CCSER1: variants seen among roughly 807,000 people sequenced by gnomAD.
CCSER1 encodes serine-rich coiled-coil domain-containing protein 1.
CCSER1 carries 41 observed loss-of-function variants against 82.0 expected under a neutral mutation model. The observed-to-expected ratio is 0.50, with a 90% CI of 0.39 to 0.65. The LOEUF (loss-of-function observed/expected upper bound fraction) is 0.65. Ranked by LOEUF, CCSER1 falls within the 30% of genes least tolerant of loss-of-function variation. The pLI is 0.00. For missense variants in CCSER1, 1,119 were observed against 1,064.2 expected (o/e 1.05, Z -0.72); for synonymous variants, 414 against 383.9 (o/e 1.08, Z -0.92).
intron 7 of CCSER1, among the ~76,000 whole-genome samples, chr4:90,815,302 C>T (rs559096203): frequency 7.2e-5 from 11 of 152,210 alleles, no homozygotes; most frequent in South Asian, 2.1e-4. Flanking sequence ...TCCCTCCACA[C>T]GTGGGGATTA....
intron 7 of CCSER1, among the ~76,000 whole-genome samples, chr4:90,789,295 T>G (rs576489581): frequency 6.6e-6 from 1 of 152,312 alleles, no homozygotes; most frequent in African/African-American, 2.4e-5. Context: ...TCACTCTCCT[T>G]CTTAAATTTG....
chr4:90,773,067 C>T (rs1752434895), intron 7 of CCSER1, among the ~76,000 whole-genome samples: 2 of 151,932 alleles, frequency 1.3e-5, no homozygotes, highest in Non-Finnish European at 2.9e-5. Context: ...GTGGAGAAAC[C>T]CCATGTCTAC....
At chr4:90,242,307 A>G (rs1560862890) in intron 1 of CCSER1, among the ~76,000 whole-genome samples, 1 of 152,154 alleles carries the variant, frequency 6.6e-6, no homozygotes, top group African/African-American at 2.4e-5. Context: ...ACTCCGTCTC[A>G]AAAAGAAAAG....
At chr4:90,767,749 G>A (rs1398359669) in intron 7 of CCSER1, among the ~76,000 whole-genome samples, 4 of 151,846 alleles carry the variant, frequency 2.6e-5, no homozygotes, top group Non-Finnish European at 5.9e-5. Flanking sequence ...ATCTCAGTTT[G>A]CTCCATCTCC....
At chr4:90,253,656 T>C (rs79614385) in intron 1 of CCSER1, among the ~76,000 whole-genome samples, 1,898 of 152,268 alleles carry the variant, frequency 0.012, 26 homozygotes, top group African/African-American at 0.036. Context: ...TTTATCTGTT[T>C]AGTGACTTTG....
At chr4:90,740,036 C>G (rs945175898) in intron 7 of CCSER1, among the ~76,000 whole-genome samples, 2 of 152,114 alleles carry the variant, frequency 1.3e-5, no homozygotes, top group African/African-American at 4.8e-5. Context: ...GGCTTCTATT[C>G]AGCCATATTG....
At chr4:90,249,029 G>T (rs1158556307) in intron 1 of CCSER1, among the ~76,000 whole-genome samples, 1 of 152,022 alleles carries the variant, frequency 6.6e-6, no homozygotes, top group African/African-American at 2.4e-5. Context: ...TTTTTGTTGA[G>T]TCATAGACTG....
Position 91,603,217 on chromosome 4 carries a change from C to G in CCSER1, c.*4160C>G, listed in dbSNP as rs1764872666. On this transcript the variant is annotated 3_prime_UTR_variant, in exon 11 of 11. Coordinates refer to ENST00000509176, the MANE Select transcript of CCSER1 (RefSeq NM_001145065.2). Reference sequence around the variant, plus strand: ...CAGTCAACTAAGCAACCAAACAAAACAGCTCTCTTCTTTAATAATATTCAT... The same window carrying G: ...CAGTCAACTAAGCAACCAAACAAAAGAGCTCTCTTCTTTAATAATATTCAT... 6.6e-6 allele frequency: 1 copy of G among 152,084 alleles called. No individual in the cohort carries two copies. Among genetic ancestry groups the G allele is most frequent in the Non-Finnish European group, 1.5e-5 (1 of 67,964 alleles). 9.4% of individuals were successfully genotyped at this position (152,084 alleles called of 1,614,324 possible).
At chr4:91,275,315 T>G (rs1343114998) in intron 10 of CCSER1, among the ~76,000 whole-genome samples, 1 of 151,770 alleles carries the variant, frequency 6.6e-6, no homozygotes, top group Admixed American at 6.6e-5. Flanking sequence ...TTGTTTGTTT[T>G]TGTTTTTTGT....
chr4:91,349,544 G>A (rs968354458), intron 10 of CCSER1, among the ~76,000 whole-genome samples: 1 of 152,034 alleles, frequency 6.6e-6, no homozygotes, highest in African/African-American at 2.4e-5. Flanking sequence ...GTTCTGTTTT[G>A]AAGTCTGGAG....
intron 5 of CCSER1, among the ~76,000 whole-genome samples, chr4:90,583,534 T>G (rs1368940717): frequency 1.3e-5 from 2 of 152,176 alleles, no homozygotes; most frequent in Non-Finnish European, 2.9e-5. Context: ...GAAATACATT[T>G]TTATAGATAT....
intron 7 of CCSER1, among the ~76,000 whole-genome samples, chr4:90,785,384 A>G (rs924939783): frequency 6.6e-6 from 1 of 152,172 alleles, no homozygotes; most frequent in African/African-American, 2.4e-5. Context: ...TTATTATGTT[A>G]TAATCCTGTG....
intron 8 of CCSER1, among the ~76,000 whole-genome samples, chr4:90,895,225 A>G (rs942968669): frequency 4.6e-5 from 7 of 151,944 alleles, no homozygotes; most frequent in Non-Finnish European, 7.4e-5. Flanking sequence ...GGCACATAAC[A>G]TCAGTAAATG....
At chr4:90,650,796 A>C (rs1371795212) in intron 6 of CCSER1, among the ~76,000 whole-genome samples, 1 of 152,182 alleles carries the variant, frequency 6.6e-6, no homozygotes, top group Non-Finnish European at 1.5e-5. Context: ...CTTTCTGTAA[A>C]ATCTTTTCTT....
chr4:90,756,415 T>G (rs1031925713), intron 7 of CCSER1, among the ~76,000 whole-genome samples: 2 of 151,934 alleles, frequency 1.3e-5, no homozygotes, highest in Non-Finnish European at 2.9e-5. Flanking sequence ...CTTTTCAACA[T>G]TTTTAGGAAT....
At chr4:90,312,788 GA>G (rs1735536186) in intron 2 of CCSER1, 74 bp from the exon 3 acceptor site, 1 of 1,152,806 alleles carries the variant, frequency 8.7e-7, no homozygotes, top group Middle Eastern at 2.1e-4. Context: ...AGTTTTTCAT[GA>G]TCTTTCAGTG....
intron 4 of CCSER1, among the ~76,000 whole-genome samples, chr4:90,400,558 G>A (rs1465329777): frequency 6.6e-6 from 1 of 152,064 alleles, no homozygotes; most frequent in Non-Finnish European, 1.5e-5. Flanking sequence ...ATAGGTTAAT[G>A]TTGATGCAAT....
intron 10 of CCSER1, among the ~76,000 whole-genome samples, chr4:91,246,692 T>C (rs922166803): frequency 3.3e-5 from 5 of 152,250 alleles, no homozygotes; most frequent in African/African-American, 1.2e-4. Flanking sequence ...ATATACAAAA[T>C]GGAGTAGCAT....
intron 7 of CCSER1, among the ~76,000 whole-genome samples, chr4:90,751,099 A>G (rs1748571916): frequency 6.6e-6 from 1 of 152,142 alleles, no homozygotes; most frequent in South Asian, 2.1e-4. Flanking sequence ...AAACTCAGAT[A>G]TGTAAAGATT....
Sources: gnomAD v4.1 joint callset for allele counts (sites outside exome capture counted in the v4.1 genomes callset) on GRCh38, gnomAD v4.1.1 for gene constraint, MANE v1.5 for transcripts, NCBI Gene and HGNC (gene_info 2026-07-23, HGNC 2026-07-21) for gene names.